SLC44A5: variants seen among roughly 807,000 people sequenced by gnomAD.
SLC44A5 encodes the protein choline transporter-like protein 5.
A neutral mutation model predicts 101.8 loss-of-function variants in SLC44A5; 57 were observed. That is an observed-to-expected ratio of 0.56 (90% confidence interval 0.45 to 0.70). The LOEUF is 0.70. SLC44A5 is among the 30% of genes least tolerant of loss of function. The probability of loss-of-function intolerance (pLI) is 0.00; values close to 1 mark genes in which losing one functional copy is unlikely to be tolerated. For synonymous variants in SLC44A5, 281 were observed against 290.9 expected, an observed-to-expected ratio of 0.97 and a Z score of 0.35; for missense variants, 737 against 853.1, an observed-to-expected ratio of 0.86 and a Z score of 1.70.
chr1:75,319,087 T>A (rs1447748585), intron 4 of SLC44A5, among the ~76,000 whole-genome samples: 1 of 152,206 alleles, frequency 6.6e-6, no homozygotes, highest in Non-Finnish European at 1.5e-5. Flanking sequence ...AATCTAGCTA[T>A]GCTGACATTT....
intron 1 of SLC44A5, among the ~76,000 whole-genome samples, chr1:75,598,059 T>C (rs1674753432): frequency 6.6e-6 from 1 of 151,562 alleles, no homozygotes; most frequent in Non-Finnish European, 1.5e-5. Context: ...AGGTCTAATA[T>C]CCAGCATCTA....
At chr1:75,301,167 T>C (rs1350336371) in intron 4 of SLC44A5, among the ~76,000 whole-genome samples, 1 of 152,096 alleles carries the variant, frequency 6.6e-6, no homozygotes, top group Non-Finnish European at 1.5e-5. Flanking sequence ...GAGAACTGAG[T>C]TGTAACTATT....
the SLC44A5 span, among the ~76,000 whole-genome samples, chr1:75,692,187 T>A: frequency 8.4e-6 from 1 of 118,524 alleles, no homozygotes. Context: ...ATGGGATTCT[T>A]TTTTTTTTTT....
chr1:75,320,858 A>G (rs79677094), intron 4 of SLC44A5, among the ~76,000 whole-genome samples: 85 of 152,256 alleles, frequency 5.6e-4, no homozygotes, highest in Non-Finnish European at 1.1e-3. Context: ...AGCCCTTAAG[A>G]GCCTTCTGGT....
chr1:75,255,486 T>C (rs1649941740), intron 6 of SLC44A5, among the ~76,000 whole-genome samples: 1 of 149,904 alleles, frequency 6.7e-6, no homozygotes, highest in African/African-American at 2.4e-5. Flanking sequence ...ATTAAGAAAT[T>C]CTAAAATACA....
chr1:75,421,632 C>T (rs914929520), intron 2 of SLC44A5, among the ~76,000 whole-genome samples: 1 of 152,144 alleles, frequency 6.6e-6, no homozygotes, highest in Non-Finnish European at 1.5e-5. Context: ...CCTCTTCTTT[C>T]ATTAAGATCA....
chr1:75,390,800 C>T (rs566081746), intron 3 of SLC44A5, among the ~76,000 whole-genome samples: 1 of 152,304 alleles, frequency 6.6e-6, no homozygotes, highest in South Asian at 2.1e-4. Context: ...AGGATCCTCA[C>T]TCTCACCACT....
intron 2 of SLC44A5, among the ~76,000 whole-genome samples, chr1:75,396,943 C>G (rs1662164893): frequency 6.6e-6 from 1 of 152,130 alleles, no homozygotes; most frequent in Non-Finnish European, 1.5e-5. Context: ...TTGAAAAATT[C>G]ATTACTAAGA....
chr1:75,488,421 G>T (rs1168516891), intron 2 of SLC44A5, among the ~76,000 whole-genome samples: 10 of 152,046 alleles, frequency 6.6e-5, no homozygotes, highest in Non-Finnish European at 1.2e-4. Context: ...ACATAGAAAA[G>T]GTAAAGTAAA....
chr1:75,406,563 A>C (rs562668923), intron 2 of SLC44A5, among the ~76,000 whole-genome samples: 1 of 152,342 alleles, frequency 6.6e-6, no homozygotes, highest in Non-Finnish European at 1.5e-5. Flanking sequence ...CAACATATGC[A>C]AATCAATAAA....
At chr1:75,298,411 C>T (rs1341263109) in intron 5 of SLC44A5, among the ~76,000 whole-genome samples, 1 of 152,092 alleles carries the variant, frequency 6.6e-6, no homozygotes, top group Non-Finnish European at 1.5e-5. Flanking sequence ...TATTGAGTAA[C>T]ATTTATCTGC....
At chr1:75,353,774 A>G (rs1210564935) in intron 3 of SLC44A5, among the ~76,000 whole-genome samples, 3 of 152,218 alleles carry the variant, frequency 2.0e-5, no homozygotes, top group Non-Finnish European at 4.4e-5. Flanking sequence ...GATAATGATG[A>G]CAAAGTCACA....
intron 2 of SLC44A5, among the ~76,000 whole-genome samples, chr1:75,475,677 A>G (rs1038949646): frequency 6.6e-6 from 1 of 152,230 alleles, no homozygotes; most frequent in Non-Finnish European, 1.5e-5. Flanking sequence ...AATACCCATA[A>G]TGGAAACATT....
At chr1:75,497,967 C>T (rs887938706) in intron 2 of SLC44A5, among the ~76,000 whole-genome samples, 1 of 151,638 alleles carries the variant, frequency 6.6e-6, no homozygotes, top group Non-Finnish European at 1.5e-5. Context: ...AAATGCAAAA[C>T]CGAATTTCTA....
chr1:75,648,514 G>A, the SLC44A5 span, among the ~76,000 whole-genome samples: 6 of 152,200 alleles, frequency 3.9e-5, no homozygotes, highest in South Asian at 1.2e-3. Context: ...TTCCCTTCAG[G>A]TATAGGGCAG....
chr1:75,243,223 A>G (rs1172713156), intron 7 of SLC44A5, among the ~76,000 whole-genome samples: 3 of 151,938 alleles, frequency 2.0e-5, no homozygotes, highest in Non-Finnish European at 4.4e-5. Flanking sequence ...TGCAGCCTCA[A>G]CCTTTCTGGG....
In SLC44A5 at chr1:75,482,412, A is replaced by T. The variant is rs201178146; in HGVS notation, c.13+59023T>A. On this transcript the variant is annotated intron_variant, in intron 2 of 23. Transcript: ENST00000370859. ...TTGTGCACATGTACCCTAAAACTTAAAGTATAATAATAATAAAATAAAAAA... is the reference window on the plus strand; with the variant it reads ...TTGTGCACATGTACCCTAAAACTTATAGTATAATAATAATAAAATAAAAAA... 5.9e-5 allele frequency among the ~76,000 whole-genome samples: 9 copies of T among 152,210 alleles called. No homozygotes were observed. The East Asian group carries it at 9.7e-4, about 16-fold the overall frequency.
At chr1:75,281,943 T>C (rs758035736) in intron 5 of SLC44A5, among the ~76,000 whole-genome samples, 39 of 152,068 alleles carry the variant, frequency 2.6e-4, no homozygotes, top group Non-Finnish European at 7.4e-5. Flanking sequence ...AAGGGAAATA[T>C]AAAGTCAGAA....
intron 3 of SLC44A5, among the ~76,000 whole-genome samples, chr1:75,349,603 T>C (rs1244511183): frequency 6.6e-6 from 1 of 152,094 alleles, no homozygotes; most frequent in African/African-American, 2.4e-5. Flanking sequence ...AAATATATTG[T>C]GTAATGAGAG....
Sources: allele counts gnomAD v4.1 joint callset (sites outside exome capture counted in the v4.1 genomes callset), GRCh38; gene constraint gnomAD v4.1.1; transcripts MANE v1.5; gene names NCBI Gene and HGNC (gene_info 2026-07-23, HGNC 2026-07-21).